PIAS4: variants seen among roughly 807,000 people sequenced by gnomAD.
The protein encoded by PIAS4 is E3 SUMO-protein ligase PIAS4.
Under a neutral mutation model 58.0 loss-of-function variants are expected in PIAS4, and 7 were observed. The observed-to-expected ratio is 0.12, with a 90% CI of 0.07 to 0.23. PIAS4 has a LOEUF of 0.23. Among genes scored for constraint, PIAS4 ranks in the 10% least tolerant of loss-of-function variants. The pLI, the probability that PIAS4 is intolerant of heterozygous loss-of-function variation, is 1.00. For missense variants in PIAS4, 550 were observed against 709.5 expected (o/e 0.78, Z 2.55); for synonymous variants, 364 against 312.4 (o/e 1.17, Z -1.74).
At chr19:4,033,814 G>C (rs892138723) in intron 9 of PIAS4, among the ~76,000 whole-genome samples, 22 of 152,210 alleles carry the variant, frequency 1.4e-4, no homozygotes, top group African/African-American at 5.3e-4. Flanking sequence ...CAGAAGGTGG[G>C]CTCCGGTCCA....
In PIAS4 at chr19:4,013,078, G is replaced by A. The variant is rs137884533; in HGVS notation, c.183G>A (p.Leu61=). Residue 61 remains leucine (L), a synonymous_variant, in exon 2 of 11, where the codon CTG becomes CTA. Transcript: ENST00000262971. The surrounding 1 kb of genome is among the most constrained non-coding windows in gnomAD (Gnocchi z 5.1). ...SPELFKKIKE[L]YETRYAKKNS... ...AGCTGTTCAAGAAGATCAAGGAGCT[G>A]TACGAGACCCGCTACGCCAAGAAGA... 3,960 of 1,613,500 alleles carry A rather than the reference G, an allele frequency of 2.5e-3. 4 individuals are homozygous for A. Among genetic ancestry groups the A allele is most frequent in the Non-Finnish European group, 3.0e-3 (3,531 of 1,180,004 alleles).
chr19:4,019,366 C>T (rs1049965800), intron 2 of PIAS4, among the ~76,000 whole-genome samples: 14 of 152,180 alleles, frequency 9.2e-5, no homozygotes, highest in African/African-American at 3.4e-4. Context: ...AGGGAGGAGC[C>T]CTCCCAGGGC....
intron 7 of PIAS4, among the ~76,000 whole-genome samples, chr19:4,031,503 A>G (rs1187577399): frequency 6.6e-6 from 1 of 151,678 alleles, no homozygotes; most frequent in Non-Finnish European, 1.5e-5. Flanking sequence ...ACCCCGCCCC[A>G]CCTCCCTCTT....
At chr19:4,031,945 C>A (rs572821906) in intron 7 of PIAS4, among the ~76,000 whole-genome samples, 1 of 152,274 alleles carries the variant, frequency 6.6e-6, no homozygotes, top group Middle Eastern at 3.4e-3. Context: ...AGCTGGGATC[C>A]AAGGATGGAA....
chr19:4,010,855 G>GA (rs1200848826), intron 1 of PIAS4, among the ~76,000 whole-genome samples: 1 of 152,228 alleles, frequency 6.6e-6, no homozygotes, highest in Non-Finnish European at 1.5e-5. Flanking sequence ...CCTGATATGG[G>GA]AAGAGGCTTC....
intron 7 of PIAS4, among the ~76,000 whole-genome samples, chr19:4,029,893 G>A (rs1472848757): frequency 7.2e-6 from 1 of 138,570 alleles, no homozygotes; most frequent in African/African-American, 2.7e-5. Context: ...CACGATCTCG[G>A]CTCACTGAAA....
Position 4,028,940 on chromosome 19 carries a change from G to A in PIAS4, c.811G>A (p.Val271Met), listed in dbSNP as rs376010709. ...TWGNYGKSYS[V>M]ALYLVRQLTS... ...TTCCTTCTGTCCCCAGAGCTACTCGGTGGCCCTGTACCTGGTGCGGCAGCT... is the reference window on the plus strand; with the variant it reads ...TTCCTTCTGTCCCCAGAGCTACTCGATGGCCCTGTACCTGGTGCGGCAGCT... The change falls in exon 7 of 11, where the codon GTG becomes ATG. Residue 271 changes from valine (V) to methionine (M), a missense_variant. Physicochemically the swap from Val to Met is conservative, Grantham distance 21. Around this residue, in one of 4 missense-constraint regions of PIAS4, gnomAD observed 225 missense variants for 345.8 expected, o/e 0.65. Coordinates refer to ENST00000262971, the MANE Select transcript of PIAS4 (RefSeq NM_015897.4). 115 of 1,612,060 alleles carry A rather than the reference G, an allele frequency of 7.1e-5. No individual in the cohort carries two copies. Among genetic ancestry groups the A allele is most frequent in the South Asian group, 6.9e-4 (63 of 90,878 alleles).
In PIAS4 at chr19:4,036,307, C is replaced by T. The variant is rs930823026; in HGVS notation, c.1143-1067C>T. On this transcript the variant is annotated intron_variant, in intron 9 of 10. Transcript: ENST00000262971. ...ACCGTCACACACACACACATCTATA[C>T]AGTCCACACCTGTTACATGCACACA... is the stretch of plus-strand genomic sequence containing the variant. Among the ~76,000 whole-genome samples the T allele has an allele frequency of 1.5e-4, 18 of 120,066 alleles. 1 individual carries two copies. Among genetic ancestry groups the T allele is most frequent in the African/African-American group, 2.9e-4 (11 of 38,026 alleles). 78.8% of individuals were successfully genotyped at this position (120,066 alleles called of 152,430 possible).
Position 4,028,077 on chromosome 19 carries a change from G to A in PIAS4, c.540-69G>A, listed in dbSNP as rs2289864. ...GGTGTGGCGGTCTCCACCTTGTCGGGTGGGCTGGGGTCACGCCCTCCTCAC... is the reference window on the plus strand; with the variant it reads ...GGTGTGGCGGTCTCCACCTTGTCGGATGGGCTGGGGTCACGCCCTCCTCAC... On this transcript the variant is annotated intron_variant, in intron 3 of 10. Coordinates refer to ENST00000262971, the MANE Select transcript of PIAS4 (RefSeq NM_015897.4). The A allele has an allele frequency of 4.9e-3, 7,205 of 1,474,242 alleles. 197 individuals are homozygous for A. The African/African-American group carries it at 0.069, about 14-fold the overall frequency. 91.3% of individuals were successfully genotyped at this position (1,474,242 alleles called of 1,614,324 possible). A position where few individuals can be genotyped will look rare whatever the true frequency, so the allele number is the denominator to read the frequency against.
chr19:4,007,834 C>T (rs1291259373), intron 1 of PIAS4, 47 bp downstream of exon 1: 116 of 1,193,294 alleles, frequency 9.7e-5, no homozygotes, highest in Non-Finnish European at 1.2e-4. Flanking sequence ...GGCGAGAGGG[C>T]GGGGGCCGGG....
intron 9 of PIAS4, among the ~76,000 whole-genome samples, chr19:4,035,251 C>T (rs936661970): frequency 6.6e-5 from 10 of 152,210 alleles, no homozygotes; most frequent in South Asian, 4.1e-4. Context: ...GATGCCACTG[C>T]GGGTGCCTGG....
At chr19:4,030,333 C>T (rs1214365716) in intron 7 of PIAS4, among the ~76,000 whole-genome samples, 2,719 of 148,874 alleles carry the variant, frequency 0.018, 4 homozygotes, top group Middle Eastern at 0.031. Context: ...AAAAGAAAGC[C>T]TGCCGGCAAG....
chr19:4,033,213 C>T (rs200956709), intron 8 of PIAS4, 40 bp downstream of exon 8: 94 of 1,567,916 alleles, frequency 6.0e-5, no homozygotes, highest in Non-Finnish European at 7.3e-5. Flanking sequence ...GCCTCTCCTG[C>T]GGCCGGCCTT....
intron 9 of PIAS4, among the ~76,000 whole-genome samples, chr19:4,036,171 C>T (rs1204981717): frequency 1.9e-5 from 2 of 107,966 alleles, no homozygotes; most frequent in Non-Finnish European, 4.5e-5. Flanking sequence ...TACAAACACA[C>T]ACACATCTAT....
intron 1 of PIAS4, among the ~76,000 whole-genome samples, chr19:4,011,447 C>T (rs1004545915): frequency 2.6e-5 from 4 of 152,260 alleles, no homozygotes; most frequent in Non-Finnish European, 4.4e-5. Context: ...TCTACCCCAC[C>T]TCAAACACCA....
intron 9 of PIAS4, among the ~76,000 whole-genome samples, chr19:4,035,113 G>A (rs532303376): frequency 6.6e-5 from 10 of 152,306 alleles, no homozygotes; most frequent in East Asian, 3.9e-4. Flanking sequence ...CGCCTGGGGC[G>A]GCCCTGGCAC....
chr19:4,012,271 G>A (rs2040003662), intron 1 of PIAS4, among the ~76,000 whole-genome samples: 1 of 152,004 alleles, frequency 6.6e-6, no homozygotes, highest in African/African-American at 2.4e-5. Context: ...TCAGAGCCAG[G>A]CCTGGGTTCG....
At chr19:4,026,018 G>A (rs1489014735) in intron 3 of PIAS4, among the ~76,000 whole-genome samples, 1 of 139,156 alleles carries the variant, frequency 7.2e-6, no homozygotes, top group East Asian at 2.1e-4. Flanking sequence ...AGCTTGCAGT[G>A]AGCCGAGATC....
intron 2 of PIAS4, among the ~76,000 whole-genome samples, chr19:4,014,906 C>G (rs901164927): frequency 6.7e-6 from 1 of 149,816 alleles, no homozygotes; most frequent in Admixed American, 6.6e-5. Flanking sequence ...GCTGTGCTTC[C>G]AGGTGAGGAT....
Sources: gnomAD v4.1 joint callset for allele counts (sites outside exome capture counted in the v4.1 genomes callset) on GRCh38, gnomAD v4.1.1 for gene constraint, gnomAD v4.1.1 regional missense constraint, Gnocchi (gnomAD v3.1) non-coding constraint, MANE v1.5 for transcripts, NCBI Gene and HGNC (gene_info 2026-07-23, HGNC 2026-07-21) for gene names.